Variants in B3GALT1 observed in about 807,000 individuals in gnomAD.
B3GALT1 encodes the protein beta-1,3-galactosyltransferase 1.
A neutral mutation model predicts 23.2 loss-of-function variants in B3GALT1; 10 were observed. The ratio of observed to expected loss-of-function variants is 0.43; its 90% CI spans 0.27 to 0.73. B3GALT1 has a LOEUF of 0.73. B3GALT1 is among the 30% of genes least tolerant of loss of function. B3GALT1 has a pLI of 0.21. For missense variants in B3GALT1, 299 were observed against 405.4 expected (o/e 0.74, Z 2.25); for synonymous variants, 156 against 141.5 (o/e 1.10, Z -0.73).
At chr2:167,783,532 T>C (rs1321599646) in intron 3 of B3GALT1, among the ~76,000 whole-genome samples, 3 of 152,200 alleles carry the variant, frequency 2.0e-5, no homozygotes, top group Non-Finnish European at 4.4e-5. Flanking sequence ...ATAGACATTT[T>C]CCACACAATT....
chr2:167,408,638 A>G (rs1698346170), intron 1 of B3GALT1, among the ~76,000 whole-genome samples: 1 of 152,194 alleles, frequency 6.6e-6, no homozygotes, highest in African/African-American at 2.4e-5. Flanking sequence ...GGATTTAGTA[A>G]AGATACAGGA....
chr2:167,458,530 C>T (rs567668628), intron 1 of B3GALT1, among the ~76,000 whole-genome samples: 5 of 152,318 alleles, frequency 3.3e-5, no homozygotes, highest in African/African-American at 9.6e-5. Context: ...TGAGAAACTT[C>T]TCTACTGTCT....
At chr2:167,744,326 A>T (rs1201297315) in intron 3 of B3GALT1, among the ~76,000 whole-genome samples, 1 of 152,190 alleles carries the variant, frequency 6.6e-6, no homozygotes, top group Admixed American at 6.5e-5. Flanking sequence ...TTTCATTATA[A>T]TAAGAGATTT....
At chr2:167,825,184 T>C (rs1689189632) in intron 4 of B3GALT1, among the ~76,000 whole-genome samples, 1 of 148,870 alleles carries the variant, frequency 6.7e-6, no homozygotes, top group Non-Finnish European at 1.5e-5. Flanking sequence ...CTCAGGAGGC[T>C]GAGGCAGGAG....
At chr2:167,657,091 G>A (rs1246906186) in intron 3 of B3GALT1, among the ~76,000 whole-genome samples, 1 of 152,074 alleles carries the variant, frequency 6.6e-6, no homozygotes, top group Non-Finnish European at 1.5e-5. Context: ...TCTGAGATAG[G>A]CAACATTGGG....
chr2:167,469,781 A>T (rs1031762371), intron 1 of B3GALT1, among the ~76,000 whole-genome samples: 1 of 152,140 alleles, frequency 6.6e-6, no homozygotes, highest in African/African-American at 2.4e-5. Context: ...CTTTAGGTAT[A>T]ACATGTGATT....
At chr2:167,344,356 A>T (rs2105250275) in intron 1 of B3GALT1, among the ~76,000 whole-genome samples, 1 of 152,282 alleles carries the variant, frequency 6.6e-6, no homozygotes, top group African/African-American at 2.4e-5. Flanking sequence ...TTATCATTTA[A>T]ATTCATTTAA....
At chr2:167,454,109 A>G (rs574327183) in intron 1 of B3GALT1, among the ~76,000 whole-genome samples, 8 of 152,264 alleles carry the variant, frequency 5.3e-5, no homozygotes, top group African/African-American at 1.4e-4. Context: ...TATATTTGTA[A>G]ATTGTATATT....
rs202005651 is a variant in B3GALT1, at chr2:167,393,238, GAA to G, written c.-510-96926_-510-96925del. ...GACAGAGCGAGACTCCGTCTCAAAA[GAA>G]AAAAAAAAAAAAGAAATGTTTATGT... is the stretch of plus-strand genomic sequence containing the variant. On this transcript the variant is annotated intron_variant, in intron 1 of 4. Coordinates refer to ENST00000392690, the MANE Select transcript of B3GALT1 (RefSeq NM_020981.4). Among the ~76,000 whole-genome samples, 161 of 89,266 alleles carry G rather than the reference GAA, an allele frequency of 1.8e-3. 1 individual carries two copies. In the East Asian group the frequency reaches 0.029, roughly 16 times the overall value. 58.6% of individuals were successfully genotyped at this position (89,266 alleles called of 152,430 possible).
chr2:167,672,221 A>G (rs1447230282), intron 3 of B3GALT1, among the ~76,000 whole-genome samples: 2 of 152,074 alleles, frequency 1.3e-5, no homozygotes, highest in Non-Finnish European at 2.9e-5. Flanking sequence ...CCTCCTTACG[A>G]TCCCCATCTA....
intron 1 of B3GALT1, among the ~76,000 whole-genome samples, chr2:167,317,443 C>T (rs747753809): frequency 1.3e-5 from 2 of 152,028 alleles, no homozygotes; most frequent in Non-Finnish European, 1.5e-5. Flanking sequence ...AGGTAATTTC[C>T]GAAAACACTT....
At chr2:167,298,721 G>C (rs6753496) in intron 1 of B3GALT1, among the ~76,000 whole-genome samples, 5,165 of 151,908 alleles carry the variant, frequency 0.034, 239 homozygotes, top group African/African-American at 0.11. Flanking sequence ...CAATCACTTT[G>C]GATTTCAATG....
At chr2:167,668,495 G>T (rs9653234) in intron 3 of B3GALT1, among the ~76,000 whole-genome samples, 58,995 of 152,016 alleles carry the variant, frequency 0.39, 12,599 homozygotes, top group Middle Eastern at 0.55. Flanking sequence ...GAGCTTCCCG[G>T]CTGCTTTGTT....
chr2:167,638,251 C>T (rs1249323690), intron 2 of B3GALT1, among the ~76,000 whole-genome samples: 1 of 151,944 alleles, frequency 6.6e-6, no homozygotes, highest in African/African-American at 2.4e-5. Flanking sequence ...GTGTTTTAGG[C>T]TATTGTATGA....
chr2:167,672,119 T>G (rs1686340143), intron 3 of B3GALT1, among the ~76,000 whole-genome samples: 1 of 152,132 alleles, frequency 6.6e-6, no homozygotes, highest in African/African-American at 2.4e-5. Flanking sequence ...CCAAACTAAA[T>G]AATGTATTTG....
intron 1 of B3GALT1, among the ~76,000 whole-genome samples, chr2:167,363,425 C>T (rs1290806385): frequency 6.6e-6 from 1 of 152,052 alleles, no homozygotes; most frequent in Non-Finnish European, 1.5e-5. Flanking sequence ...CAAAAGATAC[C>T]ATTGATCATA....
chr2:167,465,799 G>T (rs1015883094), intron 1 of B3GALT1, among the ~76,000 whole-genome samples: 1 of 152,064 alleles, frequency 6.6e-6, no homozygotes, highest in Non-Finnish European at 1.5e-5. Context: ...AAACACAATA[G>T]CACCAAGTGA....
chr2:167,807,738 A>T (rs1035571012), intron 3 of B3GALT1, among the ~76,000 whole-genome samples: 5 of 152,150 alleles, frequency 3.3e-5, no homozygotes, highest in Non-Finnish European at 7.4e-5. Flanking sequence ...CTTCCAACTA[A>T]GTGGTCAATT....
At chr2:167,354,697 A>G (rs561857637) in intron 1 of B3GALT1, among the ~76,000 whole-genome samples, 54 of 152,228 alleles carry the variant, frequency 3.5e-4, no homozygotes, top group African/African-American at 1.2e-3. Context: ...CCACTTAGGC[A>G]GCAACCCTTA....
Sources: gnomAD v4.1 joint callset for allele counts (sites outside exome capture counted in the v4.1 genomes callset) on GRCh38, gnomAD v4.1.1 for gene constraint, MANE v1.5 for transcripts, NCBI Gene and HGNC (gene_info 2026-07-23, HGNC 2026-07-21) for gene names.